The following EPHX2 variants were observed in gnomAD, a reference collection of about 807,000 sequenced individuals.
The protein encoded by EPHX2 is bifunctional epoxide hydrolase 2.
In EPHX2, 74 loss-of-function variants were observed where a neutral mutation model predicts 78.7. The observed-to-expected ratio is 0.94, with a 90% CI of 0.78 to 1.14. The LOEUF is 1.14. EPHX2 is among the 50% of genes most tolerant of loss of function. EPHX2 has a pLI of 0.00. For missense variants in EPHX2, 715 were observed against 702.5 expected (o/e 1.02, Z -0.20); for synonymous variants, 251 against 255.2 (o/e 0.98, Z 0.16).
chr8:27,523,062 C>T (rs758071872), intron 11 of EPHX2, among the ~76,000 whole-genome samples: 30 of 151,724 alleles, frequency 2.0e-4, no homozygotes, highest in African/African-American at 6.3e-4. Flanking sequence ...ATTCAGGGCC[C>T]GAGTGGCCAG....
In EPHX2 at chr8:27,511,870, G is replaced by A. The variant is rs1315088001; in HGVS notation, c.695G>A (p.Cys232Tyr). Residue 232 changes from cysteine to tyrosine, a missense_variant, in exon 6 of 19, where the codon TGC becomes TAC. Coordinates refer to ENST00000521400, the MANE Select transcript of EPHX2 (RefSeq NM_001979.6). ...ACCCCGGCCCCTCTGCCGACCTCTT[G>A]CAATCCAAGTGACATGAGCCATGGG... Reference protein sequence around the residue: ...LNTPAPLPTSCNPSDMSHGYV... With the variant: ...LNTPAPLPTSYNPSDMSHGYV... 2.9e-5 allele frequency: 46 copies of A among 1,613,982 alleles called. No individual in the cohort carries two copies. Among genetic ancestry groups the A allele is most frequent in the Non-Finnish European group, 3.7e-5 (44 of 1,180,018 alleles).
intron 12 of EPHX2, among the ~76,000 whole-genome samples, chr8:27,530,962 C>T (rs1815020419): frequency 6.6e-6 from 1 of 151,864 alleles, no homozygotes; most frequent in East Asian, 1.9e-4. Context: ...GGGGTTTCTC[C>T]ATGTTGGTCA....
At chr8:27,507,366 G>A (rs1026532027) in intron 5 of EPHX2, among the ~76,000 whole-genome samples, 1 of 152,092 alleles carries the variant, frequency 6.6e-6, no homozygotes, top group Non-Finnish European at 1.5e-5. Context: ...TGGCACTCAG[G>A]TGCAGCCCTT....
In EPHX2 at chr8:27,544,783, T is replaced by C. The variant is rs1815533863; in HGVS notation, c.*261T>C. 2.1e-6 allele frequency: 1 copy of C among 484,590 alleles called. No individual in the cohort carries two copies. The highest frequency in any genetic ancestry group is 3.7e-6 in the Non-Finnish European group (1 of 272,536). 30.0% of individuals were successfully genotyped at this position (484,590 alleles called of 1,614,324 possible). On this transcript the variant is annotated 3_prime_UTR_variant, in exon 19 of 19. Coordinates refer to ENST00000521400, the MANE Select transcript of EPHX2 (RefSeq NM_001979.6). ...ATCTGTAAGAACCCTTAGTGTCCTG[T>C]AGGGGGACAGAATGGGGTGGCCAGG...
chr8:27,512,062 T>G, intron 6 of EPHX2, 152 bp downstream of exon 6: 1 of 576,994 alleles, frequency 1.7e-6, no homozygotes, highest in Non-Finnish European at 3.0e-6. Context: ...CACACCACTG[T>G]GCTCCAGCCT....
chr8:27,536,738 C>T, intron 12 of EPHX2, 46 bp from the exon 13 acceptor site: 1 of 1,609,552 alleles, frequency 6.2e-7, no homozygotes, highest in Non-Finnish European at 8.5e-7. Flanking sequence ...GTACAGTTTC[C>T]ACGATTTCTA....
downstream of EPHX2, among the ~76,000 whole-genome samples, chr8:27,545,914 T>C (rs866089069): frequency 3.3e-5 from 5 of 152,072 alleles, no homozygotes; most frequent in South Asian, 2.1e-4. Context: ...GAGTCTTCCA[T>C]GCACCACCTC....
At chr8:27,513,522 C>T (rs1814332724) in intron 6 of EPHX2, among the ~76,000 whole-genome samples, 1 of 152,186 alleles carries the variant, frequency 6.6e-6, no homozygotes. Flanking sequence ...TTCCCCCACC[C>T]CATATTTAAG....
chr8:27,494,419 C>T (rs1242899239), intron 1 of EPHX2, among the ~76,000 whole-genome samples: 1 of 152,210 alleles, frequency 6.6e-6, no homozygotes, highest in African/African-American at 2.4e-5. Context: ...AGACCATTGT[C>T]ACTTTGTAAG....
At chr8:27,513,775 A>T (rs1374514083) in intron 6 of EPHX2, among the ~76,000 whole-genome samples, 1 of 152,232 alleles carries the variant, frequency 6.6e-6, no homozygotes, top group South Asian at 2.1e-4. Context: ...GAGATGATAA[A>T]GCTCAAGAGT....
chr8:27,531,784 A>G (rs1815050289), intron 12 of EPHX2, among the ~76,000 whole-genome samples: 1 of 152,084 alleles, frequency 6.6e-6, no homozygotes, highest in African/African-American at 2.4e-5. Context: ...CCTGTTCTCT[A>G]CCTTGGAAAG....
chr8:27,507,101 A>T, intron 5 of EPHX2, 107 bp downstream of exon 5: 2 of 1,402,498 alleles, frequency 1.4e-6, no homozygotes, highest in South Asian at 1.4e-5. Flanking sequence ...TCCATGAATG[A>T]CTCCTGGGCA....
At chr8:27,501,394 T>TTCTTCTTC (rs376633107) in intron 2 of EPHX2, among the ~76,000 whole-genome samples, 31 of 73,060 alleles carry the variant, frequency 4.2e-4, no homozygotes, top group Admixed American at 7.8e-4. Context: ...CTTCTTCTTC[T>TTCTTCTTC]TTCTTCTTTC....
intron 8 of EPHX2, among the ~76,000 whole-genome samples, chr8:27,517,369 C>G (rs1476653830): frequency 1.3e-5 from 2 of 152,034 alleles, no homozygotes; most frequent in Non-Finnish European, 2.9e-5. Flanking sequence ...GCATTTTTTA[C>G]AAAAATAGAG....
intron 4 of EPHX2, among the ~76,000 whole-genome samples, chr8:27,506,368 C>T (rs1814006519): frequency 6.6e-6 from 1 of 152,128 alleles, no homozygotes; most frequent in Non-Finnish European, 1.5e-5. Flanking sequence ...ATTTTATTCC[C>T]CCAAACAGTT....
chr8:27,546,830 G>T (rs1352774041), downstream of EPHX2, among the ~76,000 whole-genome samples: 3 of 152,078 alleles, frequency 2.0e-5, no homozygotes, highest in East Asian at 5.8e-4. Flanking sequence ...TTGCCATAAC[G>T]AACTACTGGA....
At chr8:27,532,926 A>G (rs1239304183) in intron 12 of EPHX2, among the ~76,000 whole-genome samples, 1 of 152,196 alleles carries the variant, frequency 6.6e-6, no homozygotes, top group Non-Finnish European at 1.5e-5. Flanking sequence ...CAGCCTGGGC[A>G]ACATAGCCAG....
At chr8:27,507,423 G>A (rs568195889) in intron 5 of EPHX2, among the ~76,000 whole-genome samples, 24 of 152,304 alleles carry the variant, frequency 1.6e-4, no homozygotes, top group South Asian at 4.1e-4. Context: ...AAGCCTGTCC[G>A]TCCCTGAGGT....
At position 27,541,593 on chromosome 8, in the gene EPHX2, G is replaced by A. The variant is rs562626459; in HGVS notation, c.1449+51G>A. 275 of 1,602,836 alleles carry A rather than the reference G, an allele frequency of 1.7e-4. No individual in the cohort carries two copies. In the South Asian group the frequency reaches 2.5e-3, roughly 15 times the overall value. Reference sequence around the variant, plus strand: ...CATCCACACCCCAGGACCCGCCCGCGGGGCTTCCCATTGGCCTGAGCTGAT... The same window carrying A: ...CATCCACACCCCAGGACCCGCCCGCAGGGCTTCCCATTGGCCTGAGCTGAT... On this transcript the variant is annotated intron_variant, in intron 16 of 18. Transcript: ENST00000521400.
Sources: allele counts gnomAD v4.1 joint callset (sites outside exome capture counted in the v4.1 genomes callset), GRCh38; gene constraint gnomAD v4.1.1; transcripts MANE v1.5; gene names NCBI Gene and HGNC (gene_info 2026-07-23, HGNC 2026-07-21).